Variants in DUSP16 observed in about 807,000 individuals in gnomAD.
DUSP16 encodes dual specificity protein phosphatase 16.
A neutral mutation model predicts 58.3 loss-of-function variants in DUSP16; 21 were observed. The ratio of observed to expected loss-of-function variants is 0.36; its 90% CI spans 0.26 to 0.52. DUSP16 has a LOEUF of 0.52. Among genes scored for constraint, DUSP16 ranks in the 20% least tolerant of loss-of-function variants. The pLI is 0.94. For missense variants in DUSP16, 726 were observed against 819.0 expected (o/e 0.89, Z 1.39); for synonymous variants, 320 against 323.8 (o/e 0.99, Z 0.12).
chr12:12,480,304 A>G lies in DUSP16; in HGVS notation c.734T>C (p.Leu245Ser), dbSNP rs748648386. Residue 245 changes from leucine (L) to serine (S), a missense_variant, in exon 6 of 7, where the codon TTA becomes TCA. Leu to Ser is a moderately radical substitution (Grantham distance 145, BLOSUM62 -2). Transcript: ENST00000298573. ...ASNGCVLVHCLAGISRSATIA... is the reference protein window; with the variant it reads ...ASNGCVLVHCSAGISRSATIA... ...GGTGGCGGAGCGGGAGATCCCAGCT[A>G]AACAGTGCACTAGAACACATCCATT... 14 of 1,614,096 alleles carry G rather than the reference A, an allele frequency of 8.7e-6. No individual in the cohort carries two copies. The highest frequency in any genetic ancestry group is 1.2e-5 in the Non-Finnish European group (14 of 1,180,038).
intron 3 of DUSP16, among the ~76,000 whole-genome samples, chr12:12,504,705 AAAAAAAAG>A (rs1412208169): frequency 2.2e-5 from 3 of 138,146 alleles, no homozygotes; most frequent in East Asian, 4.3e-4. Flanking sequence ...AAAAAAAAAA[AAAAAAAAG>A]AAAGAAAGAA....
chr12:12,542,358 A>G (rs927406046), intron 1 of DUSP16, among the ~76,000 whole-genome samples: 3 of 148,182 alleles, frequency 2.0e-5, no homozygotes, highest in African/African-American at 7.5e-5. Context: ...GGGCAACAAG[A>G]GCGAAACTTC....
rs190124134 is a variant in DUSP16, at chr12:12,537,767, G to C, written c.-365-16304C>G. On this transcript the variant is annotated intron_variant, in intron 1 of 6. Transcript: ENST00000298573. ...TTAAGTGTCACATAAGCATCACTAAGTATCAGAGACTGAAAGCCCCTCTAA... is the reference window on the plus strand; with the variant it reads ...TTAAGTGTCACATAAGCATCACTAACTATCAGAGACTGAAAGCCCCTCTAA... 1.4e-3 allele frequency among the ~76,000 whole-genome samples: 209 copies of C among 152,284 alleles called. 1 individual carries two copies. Among genetic ancestry groups the C allele is most frequent in the African/African-American group, 4.8e-3 (200 of 41,542 alleles).
chr12:12,499,921 C>T (rs1243589676), intron 4 of DUSP16, among the ~76,000 whole-genome samples: 2 of 152,014 alleles, frequency 1.3e-5, no homozygotes, highest in Non-Finnish European at 1.5e-5. Context: ...CATTAGGGCA[C>T]GCTTTGTCCA....
chr12:12,508,272 T>G (rs1297452633), intron 3 of DUSP16, among the ~76,000 whole-genome samples: 1 of 152,160 alleles, frequency 6.6e-6, no homozygotes, highest in Non-Finnish European at 1.5e-5. Flanking sequence ...ATGGTCACAA[T>G]TCTTTCGGGA....
At chr12:12,519,718 C>T (rs114855321) in intron 3 of DUSP16, 144 bp downstream of exon 3, 60 of 791,862 alleles carry the variant, frequency 7.6e-5, no homozygotes, top group East Asian at 3.5e-4. Flanking sequence ...TTAAATAGAA[C>T]GGTGACATCA....
At chr12:12,479,112 A>T (rs1056962313) in intron 6 of DUSP16, among the ~76,000 whole-genome samples, 1 of 152,172 alleles carries the variant, frequency 6.6e-6, no homozygotes, top group Non-Finnish European at 1.5e-5. Flanking sequence ...AAAAAGATTC[A>T]TCAAAGGATC....
intron 5 of DUSP16, among the ~76,000 whole-genome samples, chr12:12,481,452 A>AC (rs1943562991): frequency 6.6e-6 from 1 of 152,168 alleles, no homozygotes; most frequent in African/African-American, 2.4e-5. Context: ...GGTAGATACT[A>AC]CCAAAAGTCT....
rs909067496 is a variant in DUSP16, at chr12:12,538,309, A to G, written c.-365-16846T>C. ...CTGGATTTGAGTTGAAAATAATGGT[A>G]AGAGGAGAAATGGGAAGTCAGTCAT... On this transcript the variant is annotated intron_variant, in intron 1 of 6. Transcript: ENST00000298573. Among the ~76,000 whole-genome samples the G allele has an allele frequency of 2.6e-5, 4 of 152,326 alleles. No homozygotes were observed. In the South Asian group the frequency reaches 8.3e-4, roughly 32 times the overall value.
In DUSP16 at chr12:12,474,475, C is replaced by A. The variant is rs736106; in HGVS notation, c.*2358G>T. The A allele has an allele frequency of 0.2, 29,903 of 152,102 alleles. 3,798 individuals carry two copies. The highest frequency in any genetic ancestry group is 0.26 in the Admixed American group (4,033 of 15,248). 9.4% of individuals were successfully genotyped at this position (152,102 alleles called of 1,614,324 possible). A position where few individuals can be genotyped will look rare whatever the true frequency, so the allele number is the denominator to read the frequency against. On this transcript the variant is annotated 3_prime_UTR_variant, in exon 7 of 7. Transcript: ENST00000298573. ...CACCATCTGTATCACCCCTAGTAGACGCGAGGGTTTCCCCAATTACATGCT... is the reference window on the plus strand; with the variant it reads ...CACCATCTGTATCACCCCTAGTAGAAGCGAGGGTTTCCCCAATTACATGCT...
intron 1 of DUSP16, among the ~76,000 whole-genome samples, chr12:12,542,063 A>G (rs1944567416): frequency 6.6e-6 from 1 of 152,212 alleles, no homozygotes; most frequent in Non-Finnish European, 1.5e-5. Context: ...ACCACATATT[A>G]TATGAATCCA....
intron 1 of DUSP16, among the ~76,000 whole-genome samples, chr12:12,525,494 C>T (rs540016635): frequency 6.6e-6 from 1 of 151,970 alleles, no homozygotes; most frequent in Non-Finnish European, 1.5e-5. Context: ...GAACTCCCGA[C>T]CTCAGGTAAT....
intron 1 of DUSP16, among the ~76,000 whole-genome samples, chr12:12,532,024 G>T (rs1440069284): frequency 5.3e-5 from 8 of 152,064 alleles, no homozygotes; most frequent in Non-Finnish European, 1.2e-4. Context: ...CGGGCGCGGT[G>T]GCGGGCGCCT....
At position 12,500,638 on chromosome 12, in the gene DUSP16, CT is replaced by C. The variant is rs1385584051; in HGVS notation, c.411del (p.Gly138GlufsTer5). On this transcript the variant is annotated frameshift_variant, in exon 4 of 7. Coordinates refer to ENST00000298573, the MANE Select transcript of DUSP16 (RefSeq NM_030640.3). LOFTEE classifies it high-confidence loss of function. ...EFSRCFPGLC[E>X]GKSTLVPTCI... ...CAGGTAGGGACTAGAGTGGATTTTCCTTCACAGAGGCCAGGGAAACAACGAG... is the reference window on the plus strand; with the variant it reads ...CAGGTAGGGACTAGAGTGGATTTTCCTCACAGAGGCCAGGGAAACAACGAG... 2 of 1,606,694 alleles carry C rather than the reference CT, an allele frequency of 1.2e-6. No individual in the cohort carries two copies. Among genetic ancestry groups the C allele is most frequent in the African/African-American group, 2.7e-5 (2 of 74,602 alleles).
intron 1 of DUSP16, among the ~76,000 whole-genome samples, chr12:12,535,631 A>T (rs1454533037): frequency 6.6e-6 from 1 of 152,216 alleles, no homozygotes; most frequent in Non-Finnish European, 1.5e-5. Flanking sequence ...CAATGCAGGG[A>T]AAAAGAGAAT....
intron 1 of DUSP16, among the ~76,000 whole-genome samples, chr12:12,545,463 G>C (rs958117445): frequency 2.4e-5 from 3 of 123,848 alleles, no homozygotes; most frequent in African/African-American, 9.2e-5. Flanking sequence ...TTTTTTTTCC[G>C]TAAAGACAAG....
intron 4 of DUSP16, among the ~76,000 whole-genome samples, chr12:12,498,968 T>TA (rs1422051517): frequency 6.6e-6 from 1 of 152,118 alleles, no homozygotes; most frequent in Non-Finnish European, 1.5e-5. Context: ...AAGCCAGAGT[T>TA]AAAAAAAGAA....
At chr12:12,515,082 GAA>G (rs140609229) in intron 3 of DUSP16, among the ~76,000 whole-genome samples, 7 of 151,774 alleles carry the variant, frequency 4.6e-5, no homozygotes, top group Non-Finnish European at 1.0e-4. Context: ...TTATTAAAAA[GAA>G]AAAATATATA....
intron 1 of DUSP16, among the ~76,000 whole-genome samples, chr12:12,545,303 A>G (rs554570347): frequency 6.6e-6 from 1 of 152,296 alleles, no homozygotes; most frequent in African/African-American, 2.4e-5. Flanking sequence ...TCTGTCACCC[A>G]GGCTGGAGTG....
Sources: gnomAD v4.1 joint callset for allele counts (sites outside exome capture counted in the v4.1 genomes callset) on GRCh38, gnomAD v4.1.1 for gene constraint, MANE v1.5 for transcripts, NCBI Gene and HGNC (gene_info 2026-07-23, HGNC 2026-07-21) for gene names.